Variants in GPRIN3 observed in about 807,000 individuals in gnomAD.
GPRIN3 encodes G protein-regulated inducer of neurite outgrowth 3.
Under a neutral mutation model 13.7 loss-of-function variants are expected in GPRIN3, and 12 were observed. That is an observed-to-expected ratio of 0.87 (90% CI 0.56 to 1.42). GPRIN3 has a LOEUF of 1.42. Ranked by LOEUF, GPRIN3 falls within the 40% of genes most tolerant of loss-of-function variation. The pLI is 0.00. For synonymous variants in GPRIN3, 377 were observed against 372.7 expected (o/e 1.01, Z -0.13); for missense variants, 1,009 against 958.7 (o/e 1.05, Z -0.69).
intron 1 of GPRIN3, among the ~76,000 whole-genome samples, chr4:89,290,683 T>G (rs552725526): frequency 6.6e-6 from 1 of 152,214 alleles, no homozygotes; most frequent in Non-Finnish European, 1.5e-5. Context: ...GTCTTATCTC[T>G]CATGCTATAA....
chr4:89,256,693 A>T (rs1426693255), intron 1 of GPRIN3, among the ~76,000 whole-genome samples: 1 of 152,192 alleles, frequency 6.6e-6, no homozygotes, highest in Non-Finnish European at 1.5e-5. Context: ...CTCTTTAGTG[A>T]TATTAAATAA....
At position 89,248,983 on chromosome 4, in the gene GPRIN3, C is replaced by G. The variant is rs375925089; in HGVS notation, c.1128G>C (p.Thr376=). Reference sequence around the variant, plus strand: ...ACTGGCTGGACTCCTGGGGGGCTAGCGTGCTGTCAGAGAGCTCCAGTGTGT... The same window carrying G: ...ACTGGCTGGACTCCTGGGGGGCTAGGGTGCTGTCAGAGAGCTCCAGTGTGT... The part of the protein sequence containing the change: ...GSHTLELSDS[T]LAPQESSQCP... Residue 376 remains threonine, a synonymous_variant, in exon 2 of 2, where the codon ACG becomes ACC. Transcript: ENST00000609438. 2 of 1,614,164 alleles carry G rather than the reference C, an allele frequency of 1.2e-6. No individual in the cohort carries two copies. The highest frequency in any genetic ancestry group is 1.7e-5 in the Admixed American group (1 of 60,032).
rs561735015 is a variant in GPRIN3, at chr4:89,247,761, C to G, written c.*19G>C. On this transcript the variant is annotated 3_prime_UTR_variant, in exon 2 of 2. Transcript: ENST00000609438. ...TGAATACCGTAAATTTATACACAAACTCCCATAAATACTCCCTTTCAATCT... is the reference window on the plus strand; with the variant it reads ...TGAATACCGTAAATTTATACACAAAGTCCCATAAATACTCCCTTTCAATCT... 36 of 1,576,266 alleles carry G rather than the reference C, an allele frequency of 2.3e-5. No individual in the cohort carries two copies. The Admixed American group carries it at 3.0e-4, about 13-fold the overall frequency.
chr4:89,306,261 A>G (rs1034990223), intron 1 of GPRIN3, among the ~76,000 whole-genome samples: 1 of 152,206 alleles, frequency 6.6e-6, no homozygotes, highest in Non-Finnish European at 1.5e-5. Context: ...GGGCAGGCCA[A>G]TGGTGAGCAC....
intron 1 of GPRIN3, among the ~76,000 whole-genome samples, chr4:89,302,742 T>C (rs764166761): frequency 6.6e-6 from 1 of 152,162 alleles, no homozygotes; most frequent in Non-Finnish European, 1.5e-5. Flanking sequence ...AGAATTTCAA[T>C]CCAAATGCAG....
chr4:89,266,164 T>C (rs1175357240), intron 1 of GPRIN3, among the ~76,000 whole-genome samples: 1 of 152,172 alleles, frequency 6.6e-6, no homozygotes, highest in Non-Finnish European at 1.5e-5. Flanking sequence ...CCCCTTGGAA[T>C]TGAATTTAAG....
At chr4:89,275,925 T>C (rs1724081146) in intron 1 of GPRIN3, among the ~76,000 whole-genome samples, 1 of 152,146 alleles carries the variant, frequency 6.6e-6, no homozygotes, top group African/African-American at 2.4e-5. Flanking sequence ...TATGTGGAGC[T>C]CCCAGTTCCA....
chr4:89,281,513 G>A (rs1211812005), intron 1 of GPRIN3, among the ~76,000 whole-genome samples: 1 of 152,132 alleles, frequency 6.6e-6, no homozygotes, highest in African/African-American at 2.4e-5. Context: ...AACCATGCAT[G>A]AGAAATCTGC....
chr4:89,245,950 A>G lies in GPRIN3; in HGVS notation c.*1830T>C, dbSNP rs1465314655. 5 of 152,254 alleles carry G rather than the reference A, an allele frequency of 3.3e-5. No individual in the cohort carries two copies. Among genetic ancestry groups the G allele is most frequent in the Non-Finnish European group, 7.3e-5 (5 of 68,046 alleles). 9.4% of individuals were successfully genotyped at this position (152,254 alleles called of 1,614,324 possible). A position where few individuals can be genotyped will look rare whatever the true frequency, so the allele number is the denominator to read the frequency against. ...TTAAAAAATTCCTTCTAATTTCCAAATAGAACAACTGTAACAACTCTCAGG... is the reference window on the plus strand; with the variant it reads ...TTAAAAAATTCCTTCTAATTTCCAAGTAGAACAACTGTAACAACTCTCAGG... On this transcript the variant is annotated 3_prime_UTR_variant, in exon 2 of 2. Transcript: ENST00000609438.
At chr4:89,294,520 T>C (rs886115799) in intron 1 of GPRIN3, among the ~76,000 whole-genome samples, 2 of 152,202 alleles carry the variant, frequency 1.3e-5, no homozygotes. Context: ...TTTCTGAAGA[T>C]TTTATGGTCT....
At chr4:89,306,872 T>A (rs1725047625) in intron 1 of GPRIN3, among the ~76,000 whole-genome samples, 2 of 152,170 alleles carry the variant, frequency 1.3e-5, no homozygotes, top group African/African-American at 4.8e-5. Context: ...CTCTCCTTTT[T>A]TCCCTCTTTC....
intron 1 of GPRIN3, among the ~76,000 whole-genome samples, chr4:89,257,666 C>T (rs1423167778): frequency 6.6e-6 from 1 of 152,142 alleles, no homozygotes; most frequent in Admixed American, 6.5e-5. Flanking sequence ...ACATTGTTAA[C>T]CAGTTTTACA....
intron 1 of GPRIN3, among the ~76,000 whole-genome samples, chr4:89,280,359 A>G (rs548371704): frequency 6.6e-6 from 1 of 152,338 alleles, no homozygotes; most frequent in South Asian, 2.1e-4. Flanking sequence ...AAGTCCCAGA[A>G]TTAAAATCCT....
intron 1 of GPRIN3, among the ~76,000 whole-genome samples, chr4:89,287,607 T>A (rs13140788): frequency 0.75 from 114,056 of 152,062 alleles, 43,438 homozygotes; most frequent in Non-Finnish European, 0.83. Context: ...GATGGGGAGA[T>A]AATGGGCTGG....
chr4:89,282,482 G>C (rs1057067368), intron 1 of GPRIN3, among the ~76,000 whole-genome samples: 1 of 152,126 alleles, frequency 6.6e-6, no homozygotes, highest in African/African-American at 2.4e-5. Context: ...ATTAGGAAAG[G>C]AAGGATCCAA....
chr4:89,279,137 A>C (rs1724173509), intron 1 of GPRIN3, among the ~76,000 whole-genome samples: 1 of 152,202 alleles, frequency 6.6e-6, no homozygotes, highest in Admixed American at 6.5e-5. Context: ...AAAACAGTGA[A>C]TTTGGGGAGG....
At position 89,244,696 on chromosome 4, in the gene GPRIN3, T is replaced by A. The variant is rs1233271506; in HGVS notation, c.*3084A>T. On this transcript the variant is annotated 3_prime_UTR_variant, in exon 2 of 2. Coordinates refer to ENST00000609438, the MANE Select transcript of GPRIN3 (RefSeq NM_198281.3). ...TCATAAAAACAGAACAATCAATCTT[T>A]AAATTAAAAATTTTAGTATTCACTT... The A allele has an allele frequency of 6.6e-6, 1 of 152,200 alleles. No homozygotes were observed. Among genetic ancestry groups the A allele is most frequent in the African/African-American group, 2.4e-5 (1 of 41,458 alleles). The allele number at this position is 152,200 out of a possible 1,614,324, so 9.4% of individuals were successfully genotyped here.
At position 89,275,694 on chromosome 4, in the gene GPRIN3, A is replaced by G. The variant is rs181069058; in HGVS notation, c.-123-25461T>C. Among the ~76,000 whole-genome samples, 649 of 152,326 alleles carry G rather than the reference A, an allele frequency of 4.3e-3. 4 individuals carry two copies. Among genetic ancestry groups the G allele is most frequent in the Non-Finnish European group, 6.6e-3 (449 of 68,034 alleles). On this transcript the variant is annotated intron_variant, in intron 1 of 1. Coordinates refer to ENST00000609438, the MANE Select transcript of GPRIN3 (RefSeq NM_198281.3). ...CTACCAGCCCTGCAAAGAGCTGCCC[A>G]AGAAATGGTTGTGTAACCTTTGACT...
intron 1 of GPRIN3, among the ~76,000 whole-genome samples, chr4:89,275,018 T>A (rs1429294592): frequency 1.3e-5 from 2 of 152,156 alleles, no homozygotes; most frequent in Non-Finnish European, 2.9e-5. Context: ...TCACCAAATA[T>A]GAACACTGAG....
Sources: gnomAD v4.1 joint callset for allele counts (sites outside exome capture counted in the v4.1 genomes callset) on GRCh38, gnomAD v4.1.1 for gene constraint, MANE v1.5 for transcripts, NCBI Gene and HGNC (gene_info 2026-07-23, HGNC 2026-07-21) for gene names.